Variants in SYT1 observed in about 807,000 individuals in gnomAD.
SYT1 encodes the protein synaptotagmin-1.
Under a neutral mutation model 44.8 loss-of-function variants are expected in SYT1, and 8 were observed. The observed-to-expected ratio is 0.18, with a 90% CI of 0.10 to 0.32. SYT1 has a LOEUF of 0.32. SYT1 is among the 10% of genes least tolerant of loss of function. SYT1 has a pLI of 1.00. For synonymous variants in SYT1, 154 were observed against 188.8 expected, an observed-to-expected ratio of 0.82 and a Z score of 1.51; for missense variants, 286 against 509.3, an observed-to-expected ratio of 0.56 and a Z score of 4.22.
At chr12:79,299,649 G>A (rs1880039129) in intron 8 of SYT1, 98 bp downstream of exon 8, 16 of 1,444,742 alleles carry the variant, frequency 1.1e-5, no homozygotes, top group African/African-American at 2.9e-5. Flanking sequence ...AAAGGGGGAT[G>A]TGGGCCTCTA....
chr12:79,000,668 A>G (rs534753859), intron 2 of SYT1, among the ~76,000 whole-genome samples: 1 of 152,290 alleles, frequency 6.6e-6, no homozygotes, highest in Admixed American at 6.5e-5. Context: ...ATTTGTCTGT[A>G]TAGTTGAAGC....
intron 2 of SYT1, among the ~76,000 whole-genome samples, chr12:79,003,881 T>A (rs905951552): frequency 3.3e-5 from 5 of 152,000 alleles, no homozygotes; most frequent in Admixed American, 3.3e-4. Flanking sequence ...AAAGGATTAA[T>A]TTCTTTTGTT....
intron 1 of SYT1, among the ~76,000 whole-genome samples, chr12:78,888,049 T>C (rs1414120092): frequency 6.6e-6 from 1 of 151,928 alleles, no homozygotes; most frequent in Non-Finnish European, 1.5e-5. Context: ...GTGGAACTCA[T>C]TACATGAGAA....
chr12:79,353,407 A>G (rs1565922268), intron 8 of SYT1, 95 bp from the exon 9 acceptor site: 1 of 979,938 alleles, frequency 1.0e-6, no homozygotes, highest in African/African-American at 1.6e-5. Context: ...TCTAATCAAC[A>G]TAATCCTCCT....
At chr12:79,048,396 T>C (rs951774553) in intron 3 of SYT1, among the ~76,000 whole-genome samples, 4 of 151,818 alleles carry the variant, frequency 2.6e-5, no homozygotes, top group Non-Finnish European at 5.9e-5. Context: ...CTTTGAATGA[T>C]TGGGTATAAT....
chr12:79,100,254 T>C (rs990201130), intron 3 of SYT1, among the ~76,000 whole-genome samples: 1 of 152,116 alleles, frequency 6.6e-6, no homozygotes, highest in Non-Finnish European at 1.5e-5. Flanking sequence ...GGTAACTAAT[T>C]TGAATAAATT....
At chr12:79,143,773 C>A (rs1869711031) in intron 3 of SYT1, among the ~76,000 whole-genome samples, 1 of 152,094 alleles carries the variant, frequency 6.6e-6, no homozygotes, top group Non-Finnish European at 1.5e-5. Flanking sequence ...TACTTCCCCC[C>A]TTAAAAGAAT....
intron 1 of SYT1, among the ~76,000 whole-genome samples, chr12:78,879,343 C>T (rs866356099): frequency 1.4e-4 from 22 of 151,780 alleles, no homozygotes; most frequent in South Asian, 8.3e-4. Context: ...GTTCAGAAGG[C>T]CAGCACTCCT....
intron 9 of SYT1, among the ~76,000 whole-genome samples, chr12:79,378,087 A>G (rs1884073728): frequency 6.6e-6 from 1 of 152,196 alleles, no homozygotes; most frequent in African/African-American, 2.4e-5. Flanking sequence ...TCTTAACTAT[A>G]TAAAATGCAG....
intron 8 of SYT1, among the ~76,000 whole-genome samples, chr12:79,350,883 A>G (rs1882870632): frequency 6.6e-6 from 1 of 152,214 alleles, no homozygotes; most frequent in Non-Finnish European, 1.5e-5. Flanking sequence ...AAAGGACACA[A>G]ATTTCAGGAA....
chr12:79,344,753 G>A (rs1294555286), intron 8 of SYT1, among the ~76,000 whole-genome samples: 5 of 151,934 alleles, frequency 3.3e-5, no homozygotes, highest in East Asian at 1.9e-4. Context: ...CACCACACCC[G>A]GCCTACTGTC....
intron 9 of SYT1, among the ~76,000 whole-genome samples, chr12:79,359,585 G>T (rs1267110760): frequency 6.6e-6 from 1 of 152,092 alleles, no homozygotes; most frequent in Non-Finnish European, 1.5e-5. Flanking sequence ...AGGGAACAGG[G>T]GACTCGTGGT....
chr12:78,886,490 A>G (rs1874758849), intron 1 of SYT1, among the ~76,000 whole-genome samples: 1 of 152,056 alleles, frequency 6.6e-6, no homozygotes, highest in Non-Finnish European at 1.5e-5. Context: ...ATTCTTTGAA[A>G]TTAATCATCA....
rs147262922 is a variant in SYT1, at chr12:79,298,465, T to C, written c.643-919T>C. The stretch of plus-strand genomic sequence containing the variant: ...TTAATATACAGAGTTAATTGAGAAA[T>C]GTTTGCTGAAGCATAAGACAACCAT... On this transcript the variant is annotated intron_variant, in intron 7 of 10. Coordinates refer to ENST00000261205, the MANE Select transcript of SYT1 (RefSeq NM_005639.3). Among the ~76,000 whole-genome samples the C allele has an allele frequency of 5.8e-4, 89 of 152,256 alleles. 2 individuals carry two copies. The highest frequency in any genetic ancestry group is 2.1e-3 in the African/African-American group (86 of 41,562).
At chr12:79,168,334 C>G (rs1871329316) in intron 3 of SYT1, among the ~76,000 whole-genome samples, 1 of 151,938 alleles carries the variant, frequency 6.6e-6, no homozygotes, top group South Asian at 2.1e-4. Flanking sequence ...ATAATCAACA[C>G]AAGTGAACCA....
chr12:79,149,280 T>A (rs1385100083), intron 3 of SYT1, among the ~76,000 whole-genome samples: 2 of 152,082 alleles, frequency 1.3e-5, no homozygotes, highest in Non-Finnish European at 2.9e-5. Context: ...TGAAAGTGAA[T>A]ACTGGTTTTA....
At chr12:78,925,961 T>A (rs1877280624) in intron 1 of SYT1, among the ~76,000 whole-genome samples, 1 of 152,082 alleles carries the variant, frequency 6.6e-6, no homozygotes, top group Non-Finnish European at 1.5e-5. Context: ...ATGGCTTATT[T>A]CATTCCTTAA....
At chr12:78,973,762 G>C (rs1376193844) in intron 1 of SYT1, among the ~76,000 whole-genome samples, 1 of 150,300 alleles carries the variant, frequency 6.7e-6, no homozygotes, top group Non-Finnish European at 1.5e-5. Context: ...TAATGCGTTT[G>C]TTTACTCATT....
intron 3 of SYT1, among the ~76,000 whole-genome samples, chr12:79,151,159 C>T (rs1870248979): frequency 6.6e-6 from 1 of 152,126 alleles, no homozygotes. Context: ...GAAGAAACCA[C>T]ACTGGCTGAG....
Sources: allele counts gnomAD v4.1 joint callset (sites outside exome capture counted in the v4.1 genomes callset), GRCh38; gene constraint gnomAD v4.1.1; transcripts MANE v1.5; gene names NCBI Gene and HGNC (gene_info 2026-07-23, HGNC 2026-07-21).